Variants in GFOD1 observed in about 807,000 individuals in gnomAD.
The protein encoded by GFOD1 is glucose-fructose oxidoreductase domain-containing protein 1.
A neutral mutation model predicts 25.4 loss-of-function variants in GFOD1; 9 were observed. The observed-to-expected ratio is 0.35, with a 90% CI of 0.21 to 0.62. The LOEUF is 0.62. Ranked by LOEUF, GFOD1 falls within the 20% of genes least tolerant of loss-of-function variation. The pLI, the probability that GFOD1 is intolerant of heterozygous loss-of-function variation, is 0.72. For missense variants in GFOD1, 403 were observed against 556.9 expected, an observed-to-expected ratio of 0.72 and a Z score of 2.78; for synonymous variants, 253 against 245.6, an observed-to-expected ratio of 1.03 and a Z score of -0.28.
chr6:13,469,348 A>T (rs1758436384), intron 1 of GFOD1: 1 of 985,326 alleles, frequency 1.0e-6, no homozygotes, highest in African/African-American at 1.7e-5. Context: ...AGAAGTGAAG[A>T]TCATGAAATA....
At chr6:13,433,055 G>A (rs1331658975) in intron 1 of GFOD1, among the ~76,000 whole-genome samples, 1 of 151,480 alleles carries the variant, frequency 6.6e-6, no homozygotes, top group African/African-American at 2.4e-5. Context: ...ATGTGGCTAA[G>A]CCACAGTCTG....
At position 13,359,174 on chromosome 6, in the gene GFOD1, C is replaced by A. The variant is rs1784910988; in HGVS notation, c.*5569G>T. The A allele has an allele frequency of 6.6e-6, 1 of 152,402 alleles. No individual in the cohort carries two copies. Among genetic ancestry groups the A allele is most frequent in the African/African-American group, 2.4e-5 (1 of 41,472 alleles). The allele number at this position is 152,402 out of a possible 1,614,324, so 9.4% of individuals were successfully genotyped here. A position where few individuals can be genotyped will look rare whatever the true frequency, so the allele number is the denominator to read the frequency against. On this transcript the variant is annotated 3_prime_UTR_variant, in exon 2 of 2. Transcript: ENST00000379287. ...TGAAACTCAGAGCACGCTCCAGCTG[C>A]TGGCTCCTGTGCCTGGCGGGGAGAA...
chr6:13,459,425 A>T (rs1400144217), intron 1 of GFOD1, among the ~76,000 whole-genome samples: 1 of 152,004 alleles, frequency 6.6e-6, no homozygotes, highest in Non-Finnish European at 1.5e-5. Context: ...TCTAAGCAAT[A>T]CCATTAAGGA....
chr6:13,458,243 G>A (rs567153161), intron 1 of GFOD1, among the ~76,000 whole-genome samples: 8 of 152,028 alleles, frequency 5.3e-5, no homozygotes, highest in East Asian at 3.9e-4. Flanking sequence ...CCAGCCTCCC[G>A]AGTAGCTGGG....
At chr6:13,416,757 T>G (rs1418172566) in intron 1 of GFOD1, among the ~76,000 whole-genome samples, 2 of 152,242 alleles carry the variant, frequency 1.3e-5, no homozygotes, top group African/African-American at 4.8e-5. Flanking sequence ...AATTCCTATT[T>G]ACTCCTATCG....
intron 1 of GFOD1, among the ~76,000 whole-genome samples, chr6:13,391,274 T>G (rs1386267455): frequency 6.6e-6 from 1 of 152,068 alleles, no homozygotes; most frequent in Non-Finnish European, 1.5e-5. Flanking sequence ...CAGCTATACA[T>G]TATTTAAGAA....
intron 1 of GFOD1, among the ~76,000 whole-genome samples, chr6:13,474,615 T>G (rs761956185): frequency 1.3e-5 from 2 of 152,202 alleles, no homozygotes; most frequent in African/African-American, 2.4e-5. Context: ...GCCTATGCGC[T>G]CTTCTTTCAA....
intron 1 of GFOD1, among the ~76,000 whole-genome samples, chr6:13,472,642 T>C (rs1311252691): frequency 6.6e-6 from 1 of 152,210 alleles, no homozygotes; most frequent in African/African-American, 2.4e-5. Flanking sequence ...CCCATTTCTG[T>C]AGTGCCTCCA....
chr6:13,383,304 A>G (rs998740893), intron 1 of GFOD1, among the ~76,000 whole-genome samples: 4 of 152,252 alleles, frequency 2.6e-5, no homozygotes, highest in African/African-American at 9.6e-5. Context: ...TAAGGCATCC[A>G]GAGGTCCCAT....
chr6:13,408,956 G>A (rs1203021369), intron 1 of GFOD1, among the ~76,000 whole-genome samples: 2 of 151,718 alleles, frequency 1.3e-5, no homozygotes, highest in African/African-American at 4.8e-5. Context: ...ATGGTGGCAT[G>A]TGCCTGTAAT....
intron 1 of GFOD1, among the ~76,000 whole-genome samples, chr6:13,422,213 C>T (rs1786271490): frequency 6.6e-6 from 1 of 152,154 alleles, no homozygotes; most frequent in Non-Finnish European, 1.5e-5. Flanking sequence ...CTGGTGACAA[C>T]AAAATGAACA....
chr6:13,405,404 T>C (rs1206250791), intron 1 of GFOD1, among the ~76,000 whole-genome samples: 2 of 152,266 alleles, frequency 1.3e-5, no homozygotes, highest in Non-Finnish European at 2.9e-5. Flanking sequence ...TTTATTAACA[T>C]GTAATCAGTA....
intron 1 of GFOD1, among the ~76,000 whole-genome samples, chr6:13,472,892 A>G (rs1758539635): frequency 6.6e-6 from 1 of 152,226 alleles, no homozygotes; most frequent in African/African-American, 2.4e-5. Context: ...TCCCAAGTCA[A>G]GAGTTAACTA....
At position 13,360,833 on chromosome 6, in the gene GFOD1, G is replaced by C. The variant is rs1304108329; in HGVS notation, c.*3910C>G. 6.6e-6 allele frequency: 3 copies of C among 456,706 alleles called. No homozygotes were observed. The highest frequency in any genetic ancestry group is 3.1e-5 in the South Asian group (2 of 64,568). The allele number at this position is 456,706 out of a possible 1,614,324, so 28.3% of individuals were successfully genotyped here. A position where few individuals can be genotyped will look rare whatever the true frequency, so the allele number is the denominator to read the frequency against. ...AGCAGACCCCGTAGACATTGATAAG[G>C]AGCGGTTTCCTGCCTGGCAAGAACA... On this transcript the variant is annotated 3_prime_UTR_variant, in exon 2 of 2. Transcript: ENST00000379287.
At chr6:13,457,839 C>T (rs1758218583) in intron 1 of GFOD1, among the ~76,000 whole-genome samples, 1 of 152,158 alleles carries the variant, frequency 6.6e-6, no homozygotes, top group Non-Finnish European at 1.5e-5. Flanking sequence ...TTCGCTTGAC[C>T]CGTTCCAGCG....
chr6:13,466,562 C>T (rs1429673557), intron 1 of GFOD1, among the ~76,000 whole-genome samples: 2 of 152,206 alleles, frequency 1.3e-5, no homozygotes, highest in East Asian at 3.9e-4. Flanking sequence ...AATCACCTCC[C>T]TCCCTGTGGC....
intron 1 of GFOD1, among the ~76,000 whole-genome samples, chr6:13,457,340 A>G (rs907340367): frequency 6.6e-6 from 1 of 152,170 alleles, no homozygotes; most frequent in Non-Finnish European, 1.5e-5. Context: ...CTCAATAAAC[A>G]TTTGGGGATG....
At chr6:13,440,383 G>T (rs898716899) in intron 1 of GFOD1, among the ~76,000 whole-genome samples, 1 of 152,014 alleles carries the variant, frequency 6.6e-6, no homozygotes, top group Non-Finnish European at 1.5e-5. Context: ...TAGAGACAGG[G>T]TTTCACCATG....
chr6:13,482,731 G>A (rs796566708), intron 1 of GFOD1, among the ~76,000 whole-genome samples: 17 of 152,232 alleles, frequency 1.1e-4, no homozygotes, highest in African/African-American at 4.1e-4. Context: ...CTGGGCAACA[G>A]AGCGAGGCTC....
Sources: gnomAD v4.1 joint callset for allele counts (sites outside exome capture counted in the v4.1 genomes callset) on GRCh38, gnomAD v4.1.1 for gene constraint, MANE v1.5 for transcripts, NCBI Gene and HGNC (gene_info 2026-07-23, HGNC 2026-07-21) for gene names.